The following PLCXD3 variants were observed in gnomAD, a reference collection of about 807,000 sequenced individuals.
PLCXD3 encodes the protein phosphatidylinositol specific phospholipase C X domain containing 3.
Under a neutral mutation model 25.5 loss-of-function variants are expected in PLCXD3, and 19 were observed. That is an observed-to-expected ratio of 0.75 (90% confidence interval 0.52 to 1.09). PLCXD3 has a LOEUF of 1.09. Ranked by LOEUF, PLCXD3 falls within the 50% of genes least tolerant of loss-of-function variation. PLCXD3 has a pLI of 0.00. For synonymous variants in PLCXD3, 174 were observed against 137.6 expected, an observed-to-expected ratio of 1.26 and a Z score of -1.85; for missense variants, 411 against 388.1, an observed-to-expected ratio of 1.06 and a Z score of -0.50.
intron 1 of PLCXD3, among the ~76,000 whole-genome samples, chr5:41,484,522 C>T (rs1457617669): frequency 1.3e-5 from 2 of 152,066 alleles, no homozygotes; most frequent in Non-Finnish European, 2.9e-5. Context: ...TATTACATTG[C>T]TTAAATGGCC....
At chr5:41,358,847 A>G (rs1011779259) in intron 2 of PLCXD3, among the ~76,000 whole-genome samples, 1 of 151,988 alleles carries the variant, frequency 6.6e-6, no homozygotes, top group Non-Finnish European at 1.5e-5. Context: ...TATGTTGGCT[A>G]TGGGTTTGTC....
intron 1 of PLCXD3, among the ~76,000 whole-genome samples, chr5:41,461,764 A>C (rs1379553880): frequency 6.6e-6 from 1 of 151,992 alleles, no homozygotes; most frequent in Non-Finnish European, 1.5e-5. Flanking sequence ...GCAGCAGACC[A>C]AAGCAGTATC....
intron 2 of PLCXD3, among the ~76,000 whole-genome samples, chr5:41,361,694 C>T (rs543201065): frequency 1.3e-5 from 2 of 152,256 alleles, no homozygotes; most frequent in East Asian, 3.9e-4. Flanking sequence ...AATGGATAGC[C>T]TGCTTTGTCA....
At chr5:41,496,168 G>A (rs1287940305) in intron 1 of PLCXD3, among the ~76,000 whole-genome samples, 2 of 151,910 alleles carry the variant, frequency 1.3e-5, no homozygotes, top group Non-Finnish European at 2.9e-5. Context: ...TATCCAGTCA[G>A]AGGAACAAAA....
chr5:41,358,836 T>C (rs1230830951), intron 2 of PLCXD3, among the ~76,000 whole-genome samples: 2 of 152,218 alleles, frequency 1.3e-5, no homozygotes, highest in African/African-American at 2.4e-5. Context: ...CTGTTTAATC[T>C]TATGTTGGCT....
chr5:41,438,339 C>T (rs1037660871), intron 1 of PLCXD3, among the ~76,000 whole-genome samples: 1 of 152,130 alleles, frequency 6.6e-6, no homozygotes, highest in African/African-American at 2.4e-5. Context: ...GGGTCCCCTG[C>T]GAAACCCCAC....
At chr5:41,502,784 C>A (rs1199954789) in intron 1 of PLCXD3, among the ~76,000 whole-genome samples, 3 of 151,994 alleles carry the variant, frequency 2.0e-5, no homozygotes, top group Non-Finnish European at 2.9e-5. Context: ...TTTCCAGGTA[C>A]GTAGGACAGA....
intron 2 of PLCXD3, among the ~76,000 whole-genome samples, chr5:41,334,960 G>A (rs372032564): frequency 1.2e-4 from 18 of 152,220 alleles, no homozygotes; most frequent in African/African-American, 4.3e-4. Flanking sequence ...AGAAAGCTTT[G>A]CAATTTTTAA....
intron 1 of PLCXD3, among the ~76,000 whole-genome samples, chr5:41,392,609 A>G (rs975282237): frequency 5.9e-5 from 9 of 152,190 alleles, no homozygotes; most frequent in Non-Finnish European, 1.3e-4. Context: ...AAGCCCAGAT[A>G]GTGAAGACTA....
chr5:41,349,581 T>C (rs1287139774), intron 2 of PLCXD3, among the ~76,000 whole-genome samples: 4 of 152,204 alleles, frequency 2.6e-5, no homozygotes, highest in African/African-American at 2.4e-5. Context: ...GAGTTGAAGA[T>C]GAAGAACTGA....
intron 1 of PLCXD3, among the ~76,000 whole-genome samples, chr5:41,458,788 A>C (rs1339200913): frequency 6.6e-6 from 1 of 151,992 alleles, no homozygotes; most frequent in African/African-American, 2.4e-5. Flanking sequence ...TAAGTAAATT[A>C]CATTTATTTC....
chr5:41,363,128 A>G (rs1368940058), intron 2 of PLCXD3, among the ~76,000 whole-genome samples: 1 of 152,222 alleles, frequency 6.6e-6, no homozygotes, highest in African/African-American at 2.4e-5. Context: ...CTCCTGGCTT[A>G]CAGAGTTAGT....
At chr5:41,366,513 G>T (rs906019115) in intron 2 of PLCXD3, among the ~76,000 whole-genome samples, 2 of 152,186 alleles carry the variant, frequency 1.3e-5, no homozygotes, top group African/African-American at 4.8e-5. Flanking sequence ...TAAGCAGGAA[G>T]AAAGCAATGT....
At chr5:41,355,073 A>C (rs1744580158) in intron 2 of PLCXD3, among the ~76,000 whole-genome samples, 1 of 152,174 alleles carries the variant, frequency 6.6e-6, no homozygotes, top group South Asian at 2.1e-4. Flanking sequence ...ACACACATCA[A>C]GCTTCCCTTT....
chr5:41,342,717 C>T (rs1018826195), intron 2 of PLCXD3, among the ~76,000 whole-genome samples: 1 of 152,020 alleles, frequency 6.6e-6, no homozygotes, highest in Non-Finnish European at 1.5e-5. Context: ...AATTTCAAAA[C>T]AGAAGCAAAA....
chr5:41,454,410 T>C (rs1233597809), intron 1 of PLCXD3, among the ~76,000 whole-genome samples: 1 of 152,004 alleles, frequency 6.6e-6, no homozygotes, highest in Non-Finnish European at 1.5e-5. Context: ...GGTTCACAGA[T>C]GGCACCTCCA....
At chr5:41,508,044 C>A (rs1016140814) in intron 1 of PLCXD3, among the ~76,000 whole-genome samples, 1 of 152,116 alleles carries the variant, frequency 6.6e-6, no homozygotes, top group African/African-American at 2.4e-5. Flanking sequence ...CAGAAACATG[C>A]GAGTATTCAG....
chr5:41,314,458 G>A (rs1743230038), intron 2 of PLCXD3, among the ~76,000 whole-genome samples: 1 of 152,220 alleles, frequency 6.6e-6, no homozygotes, highest in Non-Finnish European at 1.5e-5. Flanking sequence ...AAAATATGTA[G>A]TTTGATAGAA....
At chr5:41,362,660 A>C (rs926611307) in intron 2 of PLCXD3, among the ~76,000 whole-genome samples, 2 of 152,222 alleles carry the variant, frequency 1.3e-5, no homozygotes, top group Non-Finnish European at 2.9e-5. Context: ...TAACACAATA[A>C]TTTAAATTAC....
Sources: gnomAD v4.1 joint callset for allele counts (sites outside exome capture counted in the v4.1 genomes callset) on GRCh38, gnomAD v4.1.1 for gene constraint, MANE v1.5 for transcripts, NCBI Gene and HGNC (gene_info 2026-07-23, HGNC 2026-07-21) for gene names.